The following CACNB2 variants were observed in gnomAD, a reference collection of about 807,000 sequenced individuals.
CACNB2 encodes the protein calcium voltage-gated channel auxiliary subunit beta 2.
Under a neutral mutation model 73.3 loss-of-function variants are expected in CACNB2, and 42 were observed. The ratio of observed to expected loss-of-function variants is 0.57; its 90% CI spans 0.45 to 0.74. The LOEUF is 0.74. CACNB2 is among the 30% of genes least tolerant of loss of function. The pLI is 0.00. For synonymous variants in CACNB2, 348 were observed against 310.3 expected, an observed-to-expected ratio of 1.12 and a Z score of -1.28; for missense variants, 940 against 853.0, an observed-to-expected ratio of 1.10 and a Z score of -1.27.
intron 1 of CACNB2, among the ~76,000 whole-genome samples, chr10:18,147,217 G>A (rs2031077292): frequency 6.6e-6 from 1 of 152,178 alleles, no homozygotes; most frequent in Non-Finnish European, 1.5e-5. Flanking sequence ...TGTCAAGGAA[G>A]ATGGATATTC....
intron 3 of CACNB2, among the ~76,000 whole-genome samples, chr10:18,446,284 A>G (rs2046730605): frequency 6.6e-6 from 1 of 152,150 alleles, no homozygotes; most frequent in Admixed American, 6.6e-5. Flanking sequence ...GTGATTGACT[A>G]TTTTCTTTCA....
In CACNB2 at chr10:18,534,162, C is replaced by G; in HGVS notation, c.1141C>G (p.Pro381Ala). 11 of 1,613,572 alleles carry G rather than the reference C, an allele frequency of 6.8e-6. No homozygotes were observed. The highest frequency in any genetic ancestry group is 9.3e-6 in the Non-Finnish European group (11 of 1,179,508). ...VVLDADTINH[P>A]AQLSKTSLAP... is the part of the protein sequence containing the mutation. Reference sequence around the variant, plus strand: ...CCTTGACGCGGATACAATTAATCATCCAGCTCAACTCAGTAAAACCTCCTT... The same window carrying G: ...CCTTGACGCGGATACAATTAATCATGCAGCTCAACTCAGTAAAACCTCCTT... The change falls in exon 11 of 14, where the codon CCA becomes GCA. Residue 381 changes from proline to alanine, a missense_variant. Pro to Ala is a conservative substitution (Grantham distance 27). Transcript: ENST00000324631.
chr10:18,377,703 G>C (rs1323223906), intron 2 of CACNB2, among the ~76,000 whole-genome samples: 1 of 152,164 alleles, frequency 6.6e-6, no homozygotes, highest in East Asian at 1.9e-4. Context: ...GCTGATCTCT[G>C]ATATAGTCTG....
intron 3 of CACNB2, among the ~76,000 whole-genome samples, chr10:18,442,968 ATG>A (rs1419147518): frequency 0.067 from 1,722 of 25,642 alleles, 267 homozygotes; most frequent in East Asian, 0.35. Context: ...GTATATATAT[ATG>A]TGTATATATA....
intron 2 of CACNB2, among the ~76,000 whole-genome samples, chr10:18,222,438 T>C (rs1182086474): frequency 1.4e-5 from 1 of 69,542 alleles, no homozygotes; most frequent in African/African-American, 3.6e-5. Flanking sequence ...ACAAATTCTG[T>C]GAGACCCTCT....
chr10:18,196,453 A>C (rs2034630135), intron 2 of CACNB2, among the ~76,000 whole-genome samples: 1 of 152,014 alleles, frequency 6.6e-6, no homozygotes. Flanking sequence ...AGTAGCTGGG[A>C]CTACAGGGGT....
intron 2 of CACNB2, among the ~76,000 whole-genome samples, chr10:18,308,636 C>T (rs1336018114): frequency 1.3e-5 from 2 of 152,188 alleles, no homozygotes; most frequent in Non-Finnish European, 2.9e-5. Flanking sequence ...TCAGCTTCCC[C>T]ACAAGGTCAC....
chr10:18,208,177 G>T (rs889190745), intron 2 of CACNB2, among the ~76,000 whole-genome samples: 2 of 152,128 alleles, frequency 1.3e-5, no homozygotes, highest in African/African-American at 2.4e-5. Context: ...CTTCAAAAAG[G>T]CTGTTTTAGC....
intron 3 of CACNB2, among the ~76,000 whole-genome samples, chr10:18,449,583 G>A (rs1162205074): frequency 6.6e-6 from 1 of 152,130 alleles, no homozygotes; most frequent in East Asian, 1.9e-4. Flanking sequence ...GTCCTCACAA[G>A]GACCCTATGG....
intron 1 of CACNB2, among the ~76,000 whole-genome samples, chr10:18,145,140 G>A (rs905974925): frequency 2.6e-5 from 4 of 152,216 alleles, no homozygotes; most frequent in Non-Finnish European, 4.4e-5. Context: ...CAGCCCAGCC[G>A]AGTCTGCCAG....
intron 2 of CACNB2, among the ~76,000 whole-genome samples, chr10:18,265,382 C>T (rs189669357): frequency 3.9e-5 from 6 of 152,264 alleles, no homozygotes; most frequent in South Asian, 2.1e-4. Context: ...CCGCCCACCT[C>T]AGCTTCCCAA....
intron 2 of CACNB2, among the ~76,000 whole-genome samples, chr10:18,231,360 G>A (rs893268122): frequency 1.3e-5 from 2 of 152,054 alleles, no homozygotes; most frequent in African/African-American, 4.8e-5. Context: ...TGTATTTTTA[G>A]TAGAGATGGG....
chr10:18,213,115 T>A (rs1050144533), intron 2 of CACNB2, among the ~76,000 whole-genome samples: 2 of 152,198 alleles, frequency 1.3e-5, no homozygotes, highest in Non-Finnish European at 2.9e-5. Flanking sequence ...TTCTGGTTCG[T>A]GCACCTGTGG....
In CACNB2 at chr10:18,458,824, G is replaced by A. The variant is rs2132659462; in HGVS notation, c.334-39531G>A. Reference sequence around the variant, plus strand: ...TCTGTTGCCTAGGCTGGAGGGCAATGGCGTGATCTTGGCTCACTGCAACCT... The same window carrying A: ...TCTGTTGCCTAGGCTGGAGGGCAATAGCGTGATCTTGGCTCACTGCAACCT... On this transcript the variant is annotated intron_variant, in intron 3 of 13. Coordinates refer to ENST00000324631, the MANE Select transcript of CACNB2 (RefSeq NM_201596.3). Among the ~76,000 whole-genome samples, 2 of 145,526 alleles carry A rather than the reference G, an allele frequency of 1.4e-5. 1 individual carries two copies. Among genetic ancestry groups the A allele is most frequent in the East Asian group, 4.0e-4 (2 of 4,966 alleles).
chr10:18,427,237 GA>G (rs1186363555), intron 3 of CACNB2, among the ~76,000 whole-genome samples: 3 of 152,070 alleles, frequency 2.0e-5, no homozygotes, highest in Non-Finnish European at 1.5e-5. Context: ...GTGGTCATAT[GA>G]TTTTTTTGTT....
chr10:18,324,217 G>C (rs1293555324), intron 2 of CACNB2, among the ~76,000 whole-genome samples: 1 of 152,200 alleles, frequency 6.6e-6, no homozygotes, highest in Non-Finnish European at 1.5e-5. Context: ...TATTAGATAA[G>C]TATTTGCATA....
intron 2 of CACNB2, among the ~76,000 whole-genome samples, chr10:18,349,344 G>A (rs7896075): frequency 2.0e-4 from 31 of 152,202 alleles, no homozygotes; most frequent in Admixed American, 5.2e-4. Flanking sequence ...CCGTTTTCCC[G>A]GAGCTCCGGC....
At chr10:18,203,218 C>A (rs2034956574) in intron 2 of CACNB2, among the ~76,000 whole-genome samples, 1 of 152,110 alleles carries the variant, frequency 6.6e-6, no homozygotes, top group South Asian at 2.1e-4. Context: ...CAGGCAGATG[C>A]TTGGAGAGTC....
Position 18,539,745 on chromosome 10 carries a change from T to G in CACNB2, c.*21T>G, listed in dbSNP as rs759183780. 1.1e-4 allele frequency: 162 copies of G among 1,519,358 alleles called. No homozygotes were observed. The East Asian group carries it at 2.1e-3, about 20-fold the overall frequency. 94.1% of individuals were successfully genotyped at this position (1,519,358 alleles called of 1,614,324 possible). The stretch of plus-strand genomic sequence containing the variant: ...AATGAGTTTTGCCCGTTTGTGTTTT[T>G]TTTTTTTTTTTTTTGAAGTCTTGTA... On this transcript the variant is annotated 3_prime_UTR_variant, in exon 14 of 14. Transcript: ENST00000324631.
Sources: allele counts gnomAD v4.1 joint callset (sites outside exome capture counted in the v4.1 genomes callset), GRCh38; gene constraint gnomAD v4.1.1; transcripts MANE v1.5; gene names NCBI Gene and HGNC (gene_info 2026-07-23, HGNC 2026-07-21).